ADCY5: variants seen among roughly 807,000 people sequenced by gnomAD.
ADCY5 encodes adenylate cyclase 5, also known as adenylate cyclase type 5.
Under a neutral mutation model 119.7 loss-of-function variants are expected in ADCY5, and 30 were observed. The ratio of observed to expected loss-of-function variants is 0.25; its 90% CI spans 0.19 to 0.34. The LOEUF (loss-of-function observed/expected upper bound fraction) is 0.34. Ranked by LOEUF, ADCY5 falls within the 10% of genes least tolerant of loss-of-function variation. ADCY5 has a pLI of 1.00. For missense variants in ADCY5, 1,324 were observed against 1,775.2 expected, an observed-to-expected ratio of 0.75 and a Z score of 4.57; for synonymous variants, 753 against 762.2, an observed-to-expected ratio of 0.99 and a Z score of 0.20.
intron 1 of ADCY5, among the ~76,000 whole-genome samples, chr3:123,384,475 T>C (rs1944149886): frequency 6.6e-6 from 1 of 152,176 alleles, no homozygotes; most frequent in African/African-American, 2.4e-5. Context: ...TGCTGGTATT[T>C]TCGCCACTCC....
At position 123,291,386 on chromosome 3, in the gene ADCY5, A is replaced by G. The variant is rs762404158; in HGVS notation, c.3064-10T>C. 4.4e-6 allele frequency: 7 copies of G among 1,602,450 alleles called. No homozygotes were observed. The highest frequency in any genetic ancestry group is 6.0e-6 in the Non-Finnish European group (7 of 1,171,344). On this transcript the variant is annotated splice_polypyrimidine_tract_variant and intron_variant, in intron 17 of 20. Coordinates refer to ENST00000462833, the MANE Select transcript of ADCY5 (RefSeq NM_183357.3). ...CTTTCTCCTCTGTGGCCTGAGAGAAAAAGACTGCAAGTCACCCAGATGCCA... is the reference window on the plus strand; with the variant it reads ...CTTTCTCCTCTGTGGCCTGAGAGAAGAAGACTGCAAGTCACCCAGATGCCA...
intron 1 of ADCY5, among the ~76,000 whole-genome samples, chr3:123,440,344 C>T (rs886469701): frequency 3.3e-5 from 5 of 152,178 alleles, no homozygotes; most frequent in Non-Finnish European, 7.3e-5. Context: ...GCTCATAACC[C>T]GACCAGAGCA....
At chr3:123,291,056 C>T (rs931121175) in intron 18 of ADCY5, 57 bp downstream of exon 18, 1 of 1,558,496 alleles carries the variant, frequency 6.4e-7, no homozygotes, top group South Asian at 1.2e-5. Flanking sequence ...CCCTCCCATA[C>T]CAGGGACTTG....
chr3:123,375,411 T>C (rs1009465763), intron 1 of ADCY5, among the ~76,000 whole-genome samples: 2 of 152,242 alleles, frequency 1.3e-5, no homozygotes, highest in Non-Finnish European at 2.9e-5. Flanking sequence ...TGGCAGGGCA[T>C]GCTTCCTGAA....
intron 6 of ADCY5, among the ~76,000 whole-genome samples, chr3:123,328,404 G>T (rs181207091): frequency 6.6e-6 from 1 of 152,232 alleles, no homozygotes; most frequent in East Asian, 1.9e-4. Context: ...ATATCTTCTG[G>T]GTCAAGGCTC....
At chr3:123,341,025 TGA>T (rs1942259033) in intron 3 of ADCY5, among the ~76,000 whole-genome samples, 1 of 152,018 alleles carries the variant, frequency 6.6e-6, no homozygotes. Flanking sequence ...CTAGGGAGGC[TGA>T]GGCAGGAGAA....
chr3:123,320,737 C>T lies in ADCY5; in HGVS notation c.2111+12G>A, dbSNP rs112050992. 39,985 of 1,611,234 alleles carry T rather than the reference C, an allele frequency of 0.025. 706 individuals carry two copies. Among genetic ancestry groups the T allele is most frequent in the Non-Finnish European group, 0.028 (33,051 of 1,177,394 alleles). On this transcript the variant is annotated intron_variant, in intron 9 of 20. Transcript: ENST00000462833. ...CCCAGGGAGCAGGAATAAGGAAGGG[C>T]ATATTACTCACTTGTCCTTGGGGTC... is the stretch of plus-strand genomic sequence containing the variant.
intron 1 of ADCY5, among the ~76,000 whole-genome samples, chr3:123,437,097 G>T (rs1454546986): frequency 6.6e-6 from 1 of 152,144 alleles, no homozygotes. Context: ...AGGAAAGAAA[G>T]CCCCCAAAAA....
intron 1 of ADCY5, among the ~76,000 whole-genome samples, chr3:123,380,965 C>T (rs569258819): frequency 6.6e-6 from 1 of 152,236 alleles, no homozygotes; most frequent in African/African-American, 2.4e-5. Context: ...CATTCCTAGC[C>T]CTTCCACTTC....
At chr3:123,337,633 G>A (rs560952237) in intron 3 of ADCY5, among the ~76,000 whole-genome samples, 1 of 152,338 alleles carries the variant, frequency 6.6e-6, no homozygotes, top group East Asian at 1.9e-4. Context: ...CTGTGTGTCT[G>A]TGCTTTCACA....
At chr3:123,345,795 C>CACACACACACACACAG in intron 3 of ADCY5, among the ~76,000 whole-genome samples, 1 of 151,460 alleles carries the variant, frequency 6.6e-6, no homozygotes, top group Non-Finnish European at 1.5e-5. Context: ...CACACACACA[C>CACACACACACACACAG]AGGAAACCAA....
chr3:123,313,568 A>G (rs1161108013), intron 12 of ADCY5, among the ~76,000 whole-genome samples: 2 of 152,208 alleles, frequency 1.3e-5, no homozygotes, highest in African/African-American at 2.4e-5. Flanking sequence ...CCTGATGGGC[A>G]GGGCAAACAG....
intron 19 of ADCY5, among the ~76,000 whole-genome samples, chr3:123,288,985 A>G (rs946364452): frequency 6.6e-6 from 1 of 152,172 alleles, no homozygotes; most frequent in Non-Finnish European, 1.5e-5. Context: ...ATGAGCAGCC[A>G]CTGGAAGATT....
intron 13 of ADCY5, among the ~76,000 whole-genome samples, chr3:123,303,713 T>C (rs1401442998): frequency 1.3e-5 from 2 of 152,164 alleles, no homozygotes; most frequent in South Asian, 4.2e-4. Flanking sequence ...TAGTCCCAGC[T>C]ACTTGGGAGG....
chr3:123,310,156 G>T (rs568163971), intron 12 of ADCY5, among the ~76,000 whole-genome samples: 1 of 110,122 alleles, frequency 9.1e-6, no homozygotes, highest in South Asian at 3.4e-4. Context: ...ACACAGCTAC[G>T]CAGCTGAGTT....
At position 123,286,600 on chromosome 3, in the gene ADCY5, T is replaced by C. The variant is rs929029154; in HGVS notation, c.3657+85A>G. 1 of 1,485,722 alleles carries C rather than the reference T, an allele frequency of 6.7e-7. No individual in the cohort carries two copies. The highest frequency in any genetic ancestry group is 1.4e-5 in the African/African-American group (1 of 70,930). The allele number at this position is 1,485,722 out of a possible 1,614,324, so 92.0% of individuals were successfully genotyped here. ...GGCTGCAGACATTCTGACTGGGAAC[T>C]GTAGGTGGCCTGCCCTGAAGACCTC... On this transcript the variant is annotated intron_variant, in intron 20 of 20. Transcript: ENST00000462833. This position sits in a 1 kb window ranked among gnomAD's most constrained non-coding sequence, Gnocchi z 4.2.
At chr3:123,284,853 A>T in intron 20 of ADCY5, 117 bp from the exon 21 acceptor site, 1 of 1,385,492 alleles carries the variant, frequency 7.2e-7, no homozygotes, top group Non-Finnish European at 1.0e-6. Flanking sequence ...ACAGAAGGAG[A>T]GGGGCAGCTG....
At chr3:123,381,498 T>C (rs865896728) in intron 1 of ADCY5, among the ~76,000 whole-genome samples, 22 of 152,358 alleles carry the variant, frequency 1.4e-4, no homozygotes, top group African/African-American at 4.8e-4. Context: ...ATCCCAGCCC[T>C]GCTCATTGGT....
At chr3:123,342,600 C>T (rs779041333) in intron 3 of ADCY5, among the ~76,000 whole-genome samples, 8 of 152,140 alleles carry the variant, frequency 5.3e-5, no homozygotes, top group African/African-American at 9.7e-5. Context: ...TGGGGCCCTG[C>T]GGGGAATGTT....
Sources: allele counts gnomAD v4.1 joint callset (sites outside exome capture counted in the v4.1 genomes callset), GRCh38; gene constraint gnomAD v4.1.1; non-coding constraint Gnocchi (gnomAD v3.1); transcripts MANE v1.5; gene names NCBI Gene and HGNC (gene_info 2026-07-23, HGNC 2026-07-21).